GALNT13: variants seen among roughly 807,000 people sequenced by gnomAD.
The protein encoded by GALNT13 is UDP-GalNAc:polypeptide N-acetylgalactosaminyltransferase 13.
A neutral mutation model predicts 64.2 loss-of-function variants in GALNT13; 28 were observed. The ratio of observed to expected loss-of-function variants is 0.44; its 90% CI spans 0.32 to 0.60. The LOEUF is 0.60. Among genes scored for constraint, GALNT13 ranks in the 20% least tolerant of loss-of-function variants. The pLI is 0.05. For missense variants in GALNT13, 577 were observed against 669.8 expected (o/e 0.86, Z 1.53); for synonymous variants, 214 against 224.6 (o/e 0.95, Z 0.42).
At chr2:153,437,956 G>C in the GALNT13 span, among the ~76,000 whole-genome samples, 1 of 152,216 alleles carries the variant, frequency 6.6e-6, no homozygotes, top group Non-Finnish European at 1.5e-5. Context: ...TTTTGCAGTG[G>C]CTGGTAGCGG....
At chr2:154,194,572 T>C (rs1686775778) in intron 4 of GALNT13, among the ~76,000 whole-genome samples, 1 of 152,190 alleles carries the variant, frequency 6.6e-6, no homozygotes, top group South Asian at 2.1e-4. Context: ...TGTTGTATCT[T>C]TGTTTCCCCC....
intron 4 of GALNT13, among the ~76,000 whole-genome samples, chr2:154,194,739 T>G: frequency 6.6e-6 from 1 of 152,216 alleles, no homozygotes; most frequent in South Asian, 2.1e-4. Context: ...AACTAGGAAC[T>G]AATTAATATC....
the GALNT13 span, among the ~76,000 whole-genome samples, chr2:153,543,893 C>T: frequency 6.6e-6 from 1 of 152,182 alleles, no homozygotes; most frequent in South Asian, 2.1e-4. Flanking sequence ...CCCACTTCTG[C>T]TCCCTGGAGG....
chr2:153,703,450 A>C, the GALNT13 span, among the ~76,000 whole-genome samples: 1 of 151,504 alleles, frequency 6.6e-6, no homozygotes, highest in East Asian at 1.9e-4. Flanking sequence ...TTTTTCTTCT[A>C]TTTCCTTGGG....
chr2:153,305,873 A>G, the GALNT13 span, among the ~76,000 whole-genome samples: 1 of 152,196 alleles, frequency 6.6e-6, no homozygotes, highest in African/African-American at 2.4e-5. Context: ...TTTTAAAGGA[A>G]TTTTAGCCAC....
chr2:154,400,694 C>T (rs762032354), intron 10 of GALNT13, among the ~76,000 whole-genome samples: 4 of 152,132 alleles, frequency 2.6e-5, no homozygotes, highest in Non-Finnish European at 5.9e-5. Context: ...TTGCTTTGAA[C>T]TAAAACCTTT....
At chr2:154,324,868 A>G (rs1227120617) in intron 9 of GALNT13, among the ~76,000 whole-genome samples, 3 of 152,100 alleles carry the variant, frequency 2.0e-5, no homozygotes, top group African/African-American at 7.2e-5. Flanking sequence ...CTGCCTCACC[A>G]CAGTGGTCTG....
the GALNT13 span, among the ~76,000 whole-genome samples, chr2:153,717,792 T>G: frequency 6.6e-6 from 1 of 152,168 alleles, no homozygotes; most frequent in Non-Finnish European, 1.5e-5. Flanking sequence ...ACTGGATTAC[T>G]TCGAGTAAAA....
rs114575782 is a variant in GALNT13, at chr2:154,360,682, C to G, written c.1157-35309C>G. ...CATAAGTCTATTGTCATAAATGTGACTATTCAGTATATCTTTATTGAGCAC... is the reference window on the plus strand; with the variant it reads ...CATAAGTCTATTGTCATAAATGTGAGTATTCAGTATATCTTTATTGAGCAC... On this transcript the variant is annotated intron_variant, in intron 9 of 12. Coordinates refer to ENST00000392825, the MANE Select transcript of GALNT13 (RefSeq NM_052917.4). 5.0e-3 allele frequency among the ~76,000 whole-genome samples: 756 copies of G among 152,214 alleles called. 4 individuals carry two copies. Among genetic ancestry groups the G allele is most frequent in the African/African-American group, 0.017 (715 of 41,534 alleles).
chr2:153,165,619 A>G, the GALNT13 span, among the ~76,000 whole-genome samples: 1 of 152,172 alleles, frequency 6.6e-6, no homozygotes, highest in Non-Finnish European at 1.5e-5. Context: ...CACATAATAT[A>G]CACTAATTGT....
intron 2 of GALNT13, among the ~76,000 whole-genome samples, 167 bp from the exon 3 acceptor site, chr2:153,944,227 A>G (rs763827313): frequency 1.3e-5 from 2 of 152,190 alleles, no homozygotes; most frequent in Non-Finnish European, 2.9e-5. Flanking sequence ...TTAGCCAACT[A>G]GCTTGCTAGC....
the GALNT13 span, among the ~76,000 whole-genome samples, chr2:153,366,725 AC>A: frequency 5.1e-4 from 31 of 60,980 alleles, no homozygotes; most frequent in African/African-American, 1.9e-3. Context: ...ACAGGGACAC[AC>A]ACACACACAC....
the GALNT13 span, among the ~76,000 whole-genome samples, chr2:153,134,957 G>A: frequency 6.6e-6 from 1 of 152,146 alleles, no homozygotes; most frequent in African/African-American, 2.4e-5. Context: ...AGAAAGAAGA[G>A]GAATTAAATA....
At chr2:153,551,770 T>C in the GALNT13 span, among the ~76,000 whole-genome samples, 1 of 152,204 alleles carries the variant, frequency 6.6e-6, no homozygotes, top group South Asian at 2.1e-4. Context: ...TGTCAGAGCA[T>C]AGATGTTTAG....
At chr2:154,337,285 C>G (rs1046586940) in intron 9 of GALNT13, among the ~76,000 whole-genome samples, 2 of 152,040 alleles carry the variant, frequency 1.3e-5, no homozygotes, top group Non-Finnish European at 2.9e-5. Flanking sequence ...AATATATGTT[C>G]ACTGTAGAAA....
At chr2:153,489,960 G>A in the GALNT13 span, among the ~76,000 whole-genome samples, 11 of 149,354 alleles carry the variant, frequency 7.4e-5, no homozygotes, top group South Asian at 2.3e-3. Context: ...CTCCAGCCCG[G>A]GCAAAGCAAG....
At chr2:153,951,335 T>C (rs1272461559) in intron 3 of GALNT13, among the ~76,000 whole-genome samples, 1 of 152,168 alleles carries the variant, frequency 6.6e-6, no homozygotes, top group Non-Finnish European at 1.5e-5. Context: ...GAAAGATTGC[T>C]GTGGATACAA....
At chr2:154,449,426 C>CAAAAAAAAAAAA in intron 12 of GALNT13, among the ~76,000 whole-genome samples, 1 of 105,872 alleles carries the variant, frequency 9.4e-6, no homozygotes, top group South Asian at 3.3e-4. Flanking sequence ...TATCATGAGC[C>CAAAAAAAAAAAA]AAAAAAAAAA....
intron 4 of GALNT13, among the ~76,000 whole-genome samples, chr2:154,161,729 GA>G (rs1430087048): frequency 6.6e-6 from 1 of 151,848 alleles, no homozygotes; most frequent in Non-Finnish European, 1.5e-5. Flanking sequence ...TTATAAACAA[GA>G]GGATTAGTTT....
Sources: gnomAD v4.1 joint callset for allele counts (sites outside exome capture counted in the v4.1 genomes callset) on GRCh38, gnomAD v4.1.1 for gene constraint, MANE v1.5 for transcripts, NCBI Gene and HGNC (gene_info 2026-07-23, HGNC 2026-07-21) for gene names.